PACRG: variants seen among roughly 807,000 people sequenced by gnomAD.
The protein encoded by PACRG is parkin coregulated.
PACRG carries 29 observed loss-of-function variants against 29.7 expected under a neutral mutation model. That is an observed-to-expected ratio of 0.98 (90% CI 0.73 to 1.33). The LOEUF (loss-of-function observed/expected upper bound fraction) is 1.33, where lower values mean the gene tolerates loss of function less well. PACRG is among the 40% of genes most tolerant of loss of function. The pLI is 0.00. For missense variants in PACRG, 279 were observed against 316.2 expected, an observed-to-expected ratio of 0.88 and a Z score of 0.89; for synonymous variants, 116 against 118.7, an observed-to-expected ratio of 0.98 and a Z score of 0.15.
chr6:162,758,479 A>G (rs977705780), intron 1 of PACRG, among the ~76,000 whole-genome samples: 4 of 152,178 alleles, frequency 2.6e-5, no homozygotes, highest in African/African-American at 4.8e-5. Flanking sequence ...TCCATCTTCA[A>G]CCAGTTGCCA....
chr6:162,843,442 G>A (rs1790000280), intron 2 of PACRG, among the ~76,000 whole-genome samples: 1 of 139,348 alleles, frequency 7.2e-6, no homozygotes, highest in Non-Finnish European at 1.5e-5. Context: ...TTGGTTTTCA[G>A]CTCCATCAGC....
chr6:162,981,539 A>G (rs981626907), intron 2 of PACRG, among the ~76,000 whole-genome samples: 2 of 151,752 alleles, frequency 1.3e-5, no homozygotes, highest in Admixed American at 6.6e-5. Context: ...TTGGTTCCAT[A>G]TGAATTTTAG....
At chr6:163,076,750 T>C (rs1812584177) in intron 3 of PACRG, among the ~76,000 whole-genome samples, 1 of 152,144 alleles carries the variant, frequency 6.6e-6, no homozygotes. Flanking sequence ...CCCAGATGCC[T>C]AAACATTAAG....
chr6:163,004,159 G>A (rs1031482274), intron 2 of PACRG, among the ~76,000 whole-genome samples: 2 of 151,298 alleles, frequency 1.3e-5, no homozygotes, highest in African/African-American at 4.8e-5. Context: ...AAATTTCAGA[G>A]CTTTCATTGC....
chr6:163,251,138 G>T (rs373818619), intron 4 of PACRG, among the ~76,000 whole-genome samples: 1 of 152,032 alleles, frequency 6.6e-6, no homozygotes, highest in South Asian at 2.1e-4. Context: ...AGGGATAAGA[G>T]AATACATGTT....
chr6:163,114,772 G>T (rs571078864), intron 4 of PACRG, among the ~76,000 whole-genome samples: 16 of 151,452 alleles, frequency 1.1e-4, no homozygotes. Flanking sequence ...ATTCTGGAGA[G>T]CTAATGTACA....
At chr6:163,222,667 G>A (rs1456112826) in intron 4 of PACRG, among the ~76,000 whole-genome samples, 1 of 152,138 alleles carries the variant, frequency 6.6e-6, no homozygotes, top group Non-Finnish European at 1.5e-5. Context: ...TGGAATTAAT[G>A]GCCATCCTAA....
intron 2 of PACRG, among the ~76,000 whole-genome samples, chr6:163,024,593 T>C (rs1177868419): frequency 2.6e-5 from 4 of 152,260 alleles, no homozygotes; most frequent in Non-Finnish European, 5.9e-5. Flanking sequence ...TTAGATTTTT[T>C]TTCTGATTCT....
intron 4 of PACRG, among the ~76,000 whole-genome samples, chr6:163,240,053 TACAC>T (rs1782428594): frequency 7.3e-6 from 1 of 137,486 alleles, no homozygotes; most frequent in African/African-American, 2.8e-5. Flanking sequence ...TACAGACACA[TACAC>T]ACACACTCAC....
intron 2 of PACRG, among the ~76,000 whole-genome samples, chr6:162,971,069 A>G (rs900962605): frequency 2.6e-5 from 4 of 152,240 alleles, no homozygotes; most frequent in Non-Finnish European, 5.9e-5. Context: ...GACAGCTTCC[A>G]TAATACAAAT....
At chr6:162,852,295 G>A (rs980260127) in intron 2 of PACRG, among the ~76,000 whole-genome samples, 9 of 152,112 alleles carry the variant, frequency 5.9e-5, no homozygotes, top group African/African-American at 1.9e-4. Flanking sequence ...ATTCCTATGC[G>A]TCCAGGGTCC....
Position 162,728,045 on chromosome 6 carries a change from C to T in PACRG, c.-191C>T. 1.4e-6 allele frequency: 1 copy of T among 721,738 alleles called. No individual in the cohort carries two copies. The highest frequency in any genetic ancestry group is 2.3e-6 in the Non-Finnish European group (1 of 428,060). 44.7% of individuals were successfully genotyped at this position (721,738 alleles called of 1,614,324 possible). ...GCCAAGGTCCTGCCCTCTTCCCGCC[C>T]CGCCCCTAGGGTCCAGCTCCCTTCA... On this transcript the variant is annotated 5_prime_UTR_variant, in exon 1 of 5. Transcript: ENST00000366888.
intron 4 of PACRG, among the ~76,000 whole-genome samples, chr6:163,271,590 C>T (rs892483959): frequency 1.5e-4 from 23 of 152,268 alleles, no homozygotes; most frequent in African/African-American, 5.5e-4. Flanking sequence ...GGTGCCCCAA[C>T]ATCACTTATT....
At chr6:162,813,309 G>A (rs1316041001) in intron 1 of PACRG, among the ~76,000 whole-genome samples, 2 of 151,924 alleles carry the variant, frequency 1.3e-5, no homozygotes, top group Middle Eastern at 3.4e-3. Context: ...CCTTTTTTCA[G>A]TAAGCAGGGA....
At chr6:163,225,843 A>G (rs1160384596) in intron 4 of PACRG, among the ~76,000 whole-genome samples, 1 of 152,216 alleles carries the variant, frequency 6.6e-6, no homozygotes, top group Non-Finnish European at 1.5e-5. Flanking sequence ...GATAAAGAAA[A>G]TGTGGTACAT....
At chr6:162,957,036 G>A (rs534010026) in intron 2 of PACRG, among the ~76,000 whole-genome samples, 71 of 151,118 alleles carry the variant, frequency 4.7e-4, no homozygotes, top group Admixed American at 1.2e-3. Context: ...TCAGTAAAGC[G>A]TTTAAAAAAA....
At chr6:163,135,310 T>C (rs1270315182) in intron 4 of PACRG, among the ~76,000 whole-genome samples, 1 of 151,882 alleles carries the variant, frequency 6.6e-6, no homozygotes, top group Non-Finnish European at 1.5e-5. Context: ...TGCCTCAGCC[T>C]CCCAAGTAGC....
chr6:162,752,424 G>A (rs1781579974), intron 1 of PACRG, among the ~76,000 whole-genome samples: 1 of 152,146 alleles, frequency 6.6e-6, no homozygotes, highest in Non-Finnish European at 1.5e-5. Context: ...ATATTCTGTT[G>A]GACCAGTATC....
At chr6:163,260,698 C>T (rs1299770020) in intron 4 of PACRG, among the ~76,000 whole-genome samples, 3 of 152,178 alleles carry the variant, frequency 2.0e-5, no homozygotes, top group Non-Finnish European at 4.4e-5. Context: ...CCGCTGCCCT[C>T]GTTATTTAAA....
Sources: allele counts gnomAD v4.1 joint callset (sites outside exome capture counted in the v4.1 genomes callset), GRCh38; gene constraint gnomAD v4.1.1; transcripts MANE v1.5; gene names NCBI Gene and HGNC (gene_info 2026-07-23, HGNC 2026-07-21).